C9orf85: variants seen among roughly 807,000 people sequenced by gnomAD.
C9orf85 encodes the protein chromosome 9 open reading frame 85, also known as uncharacterized protein C9orf85.
C9orf85 carries 16 observed loss-of-function variants against 14.9 expected under a neutral mutation model. The observed-to-expected ratio is 1.08, with a 90% CI of 0.73 to 1.63. The LOEUF is 1.63. C9orf85 is among the 40% of genes most tolerant of loss of function. C9orf85 has a pLI of 0.00. For missense variants in C9orf85, 172 were observed against 186.1 expected (o/e 0.92, Z 0.44); for synonymous variants, 45 against 56.8 (o/e 0.79, Z 0.93).
rs1019970720 is a variant in C9orf85, at chr9:71,939,078, A to T, written c.103-7928A>T. Among the ~76,000 whole-genome samples the T allele has an allele frequency of 4.7e-4, 8 of 17,050 alleles. No homozygotes were observed. The Non-Finnish European group carries it at 7.9e-3, about 17-fold the overall frequency. 11.2% of individuals were successfully genotyped at this position (17,050 alleles called of 152,430 possible). A position where few individuals can be genotyped will look rare whatever the true frequency, so the allele number is the denominator to read the frequency against. ...TTTATTCTTTATCTGTATTTTTATA[A>T]AATTTCTATATTTTGAATATTTATA... is the stretch of plus-strand genomic sequence containing the variant. On this transcript the variant is annotated intron_variant, in intron 1 of 3. Transcript: ENST00000334731.
At chr9:71,928,288 A>C (rs561803125) in intron 1 of C9orf85, among the ~76,000 whole-genome samples, 8 of 151,796 alleles carry the variant, frequency 5.3e-5, no homozygotes, top group Non-Finnish European at 2.9e-5. Flanking sequence ...TCTCAATGCA[A>C]ATTTTTCTAA....
At chr9:71,966,773 CTTG>C (rs1373927723) in intron 2 of C9orf85, among the ~76,000 whole-genome samples, 2 of 152,264 alleles carry the variant, frequency 1.3e-5, no homozygotes, top group African/African-American at 4.8e-5. Context: ...CAAAGGCAGT[CTTG>C]TTATGCAGAT....
At chr9:71,920,587 C>G (rs1254483439) in intron 1 of C9orf85, among the ~76,000 whole-genome samples, 1 of 152,102 alleles carries the variant, frequency 6.6e-6, no homozygotes, top group African/African-American at 2.4e-5. Flanking sequence ...TTATTTTAAG[C>G]CTCAGGACTC....
At chr9:71,979,744 TTA>T (rs1260483086) in intron 3 of C9orf85, among the ~76,000 whole-genome samples, 3 of 152,192 alleles carry the variant, frequency 2.0e-5, no homozygotes, top group Admixed American at 1.3e-4. Context: ...CTATTGCTAA[TTA>T]TAATTGATAT....
intron 2 of C9orf85, 77 bp from the exon 3 acceptor site, chr9:71,971,428 A>G: frequency 1.3e-6 from 1 of 775,448 alleles, no homozygotes; most frequent in Non-Finnish European, 1.9e-6. Context: ...TTTTAACTAT[A>G]CATTTAGACA....
intron 2 of C9orf85, among the ~76,000 whole-genome samples, chr9:71,961,040 G>C (rs1307118611): frequency 6.7e-6 from 1 of 149,642 alleles, no homozygotes; most frequent in Non-Finnish European, 1.5e-5. Context: ...AGCCTCCCGA[G>C]TACCTGGGAT....
chr9:71,946,993 G>A lies in C9orf85; in HGVS notation c.103-13G>A. ...CGTGAAATTCTCAATTTGTCTTTCT[G>A]TTTGTTTTTAAGAAAATTAATGCAA... On this transcript the variant is annotated splice_polypyrimidine_tract_variant and intron_variant, in intron 1 of 3. Transcript: ENST00000334731. 6.3e-7 allele frequency: 1 copy of A among 1,591,802 alleles called. No individual in the cohort carries two copies. Among genetic ancestry groups the A allele is most frequent in the Non-Finnish European group, 8.6e-7 (1 of 1,162,526 alleles).
chr9:71,927,769 T>C (rs1827966142), intron 1 of C9orf85, among the ~76,000 whole-genome samples: 1 of 152,238 alleles, frequency 6.6e-6, no homozygotes, highest in Admixed American at 6.5e-5. Flanking sequence ...TTTTAGTTCA[T>C]TAGTAAAGTG....
intron 1 of C9orf85, among the ~76,000 whole-genome samples, chr9:71,914,754 G>GC (rs1479541592): frequency 6.6e-6 from 1 of 152,196 alleles, no homozygotes; most frequent in Non-Finnish European, 1.5e-5. Flanking sequence ...ATAGGTTTCA[G>GC]CTCAATATGA....
downstream of C9orf85, among the ~76,000 whole-genome samples, chr9:71,974,988 A>T (rs562528477): frequency 6.6e-6 from 1 of 152,228 alleles, no homozygotes; most frequent in Non-Finnish European, 1.5e-5. Flanking sequence ...AGAAATCCAT[A>T]CTGAAATACT....
chr9:71,950,309 T>A (rs1822211858), intron 2 of C9orf85, among the ~76,000 whole-genome samples: 1 of 152,228 alleles, frequency 6.6e-6, no homozygotes, highest in African/African-American at 2.4e-5. Flanking sequence ...AGCTAATCAC[T>A]TATGAATTAG....
chr9:71,968,491 ATATT>A (rs1332627629), intron 2 of C9orf85, among the ~76,000 whole-genome samples: 1 of 151,478 alleles, frequency 6.6e-6, no homozygotes, highest in African/African-American at 2.4e-5. Context: ...ATAGAGGAGT[ATATT>A]TATTTCTTCT....
chr9:71,982,142 A>T (rs1190329227), intron 3 of C9orf85, among the ~76,000 whole-genome samples: 1 of 152,158 alleles, frequency 6.6e-6, no homozygotes, highest in Non-Finnish European at 1.5e-5. Context: ...AAATGACATC[A>T]TAAAATATGT....
At chr9:71,974,663 G>A (rs968698712), downstream of C9orf85, among the ~76,000 whole-genome samples, 1 of 152,138 alleles carries the variant, frequency 6.6e-6, no homozygotes, top group Admixed American at 6.5e-5. Context: ...ATTTCTGTTA[G>A]GTATGTATCT....
At chr9:71,960,165 G>A (rs1438051024) in intron 2 of C9orf85, among the ~76,000 whole-genome samples, 2 of 152,192 alleles carry the variant, frequency 1.3e-5, no homozygotes, top group Non-Finnish European at 2.9e-5. Context: ...CTTAAAGGTA[G>A]AAGAGTGGTA....
At chr9:71,955,231 T>C (rs1432184005) in intron 2 of C9orf85, among the ~76,000 whole-genome samples, 1 of 152,178 alleles carries the variant, frequency 6.6e-6, no homozygotes, top group Non-Finnish European at 1.5e-5. Context: ...TTATATTTGT[T>C]CATTGAGTAA....
chr9:71,979,326 T>A (rs1381962260), intron 3 of C9orf85, among the ~76,000 whole-genome samples: 2 of 152,208 alleles, frequency 1.3e-5, no homozygotes, highest in Non-Finnish European at 2.9e-5. Flanking sequence ...CAGTGTAAAC[T>A]TATTGTGAGT....
chr9:71,953,166 G>A (rs1822293140), intron 2 of C9orf85, among the ~76,000 whole-genome samples: 1 of 152,186 alleles, frequency 6.6e-6, no homozygotes, highest in Non-Finnish European at 1.5e-5. Context: ...GAAACACCCA[G>A]CTCAACATGT....
rs140620374 is a variant in C9orf85 at position 71,946,033 on chromosome 9, C to T, written c.103-973C>T. Among the ~76,000 whole-genome samples the T allele has an allele frequency of 7.9e-5, 12 of 152,298 alleles. No homozygotes were observed. The East Asian group carries it at 1.9e-3, about 24-fold the overall frequency. On this transcript the variant is annotated intron_variant, in intron 1 of 3. Transcript: ENST00000334731. ...TTCCTATCTTCCTTCTTTCCCAACA[C>T]ATTTTGAAAAGAAAATTACAATAAA... is the stretch of plus-strand genomic sequence containing the variant.
Sources: gnomAD v4.1 joint callset for allele counts (sites outside exome capture counted in the v4.1 genomes callset) on GRCh38, gnomAD v4.1.1 for gene constraint, MANE v1.5 for transcripts, NCBI Gene and HGNC (gene_info 2026-07-23, HGNC 2026-07-21) for gene names.